Variants in AGTPBP1 observed in about 807,000 individuals in gnomAD.
AGTPBP1 encodes the protein ATP/GTP binding carboxypeptidase 1.
A neutral mutation model predicts 143.9 loss-of-function variants in AGTPBP1; 70 were observed. The observed-to-expected ratio is 0.49, with a 90% CI of 0.40 to 0.59. The LOEUF is 0.59. Ranked by LOEUF, AGTPBP1 falls within the 20% of genes least tolerant of loss-of-function variation. The pLI, the probability that AGTPBP1 is intolerant of heterozygous loss-of-function variation, is 0.00. For synonymous variants in AGTPBP1, 463 were observed against 500.2 expected (o/e 0.93, Z 0.99); for missense variants, 1,229 against 1,464.5 (o/e 0.84, Z 2.62).
At chr9:85,784,292 C>T in the AGTPBP1 span, among the ~76,000 whole-genome samples, 1 of 152,218 alleles carries the variant, frequency 6.6e-6, no homozygotes, top group African/African-American at 2.4e-5. Context: ...AAGAGGGAAA[C>T]TTTCTTGTGA....
intron 8 of AGTPBP1, among the ~76,000 whole-genome samples, chr9:85,666,803 T>G (rs1030216503): frequency 1.4e-4 from 21 of 152,080 alleles, no homozygotes; most frequent in African/African-American, 4.8e-4. Flanking sequence ...TAAAATGCAG[T>G]ACCGATTAAA....
At chr9:85,646,676 T>C (rs561769094) in intron 11 of AGTPBP1, among the ~76,000 whole-genome samples, 1 of 152,362 alleles carries the variant, frequency 6.6e-6, no homozygotes, top group Admixed American at 6.5e-5. Flanking sequence ...TAATGTCTTA[T>C]GTTGCGATAG....
At chr9:85,659,344 GAAAAA>G in intron 9 of AGTPBP1, among the ~76,000 whole-genome samples, 1 of 152,048 alleles carries the variant, frequency 6.6e-6, no homozygotes. Context: ...AAAAAATTTT[GAAAAA>G]TAAATGAGAA....
intron 2 of AGTPBP1, among the ~76,000 whole-genome samples, chr9:85,696,620 T>G (rs988907365): frequency 6.6e-6 from 1 of 151,962 alleles, no homozygotes. Context: ...GTGAGCCAAG[T>G]TGTGCCACTG....
intron 17 of AGTPBP1, among the ~76,000 whole-genome samples, chr9:85,615,223 A>C (rs1830540266): frequency 6.6e-6 from 1 of 152,116 alleles, no homozygotes; most frequent in African/African-American, 2.4e-5. Flanking sequence ...CACTTCAAAA[A>C]GGCTGAACTA....
At chr9:85,698,784 C>T (rs1313368212) in intron 2 of AGTPBP1, among the ~76,000 whole-genome samples, 1 of 145,582 alleles carries the variant, frequency 6.9e-6, no homozygotes, top group African/African-American at 2.6e-5. Context: ...GCTCCGCCTC[C>T]TGGGTTCACG....
At chr9:85,692,885 T>C in intron 2 of AGTPBP1, 72 bp from the exon 3 acceptor site, 2 of 1,516,958 alleles carry the variant, frequency 1.3e-6, no homozygotes, top group Non-Finnish European at 1.8e-6. Flanking sequence ...ACGATCACTG[T>C]TTAAAAAACA....
chr9:85,790,210 G>C, the AGTPBP1 span, among the ~76,000 whole-genome samples: 1 of 152,170 alleles, frequency 6.6e-6, no homozygotes, highest in African/African-American at 2.4e-5. Context: ...CATCTCAAAA[G>C]CATTGGGCAT....
intron 1 of AGTPBP1, among the ~76,000 whole-genome samples, chr9:85,729,631 T>C (rs541845647): frequency 2.0e-5 from 3 of 151,880 alleles, no homozygotes; most frequent in South Asian, 4.1e-4. Flanking sequence ...ATATAGCTTA[T>C]CTCAAGATAC....
intron 9 of AGTPBP1, among the ~76,000 whole-genome samples, chr9:85,658,146 T>C (rs1833644114): frequency 6.6e-6 from 1 of 152,140 alleles, no homozygotes; most frequent in Admixed American, 6.5e-5. Context: ...CCACTAAAAT[T>C]AATTGCTCTA....
At chr9:85,647,068 G>A (rs1378186188) in intron 11 of AGTPBP1, among the ~76,000 whole-genome samples, 2 of 152,150 alleles carry the variant, frequency 1.3e-5, no homozygotes, top group Non-Finnish European at 2.9e-5. Flanking sequence ...AGCTGAGGTT[G>A]GGAGTTCGAG....
chr9:85,768,000 A>G, the AGTPBP1 span, among the ~76,000 whole-genome samples: 2 of 152,194 alleles, frequency 1.3e-5, no homozygotes, highest in African/African-American at 2.4e-5. Flanking sequence ...GCAGTGCTCT[A>G]TCATAAAGCA....
the AGTPBP1 span, among the ~76,000 whole-genome samples, chr9:85,760,638 T>G: frequency 1.3e-5 from 2 of 152,036 alleles, no homozygotes; most frequent in East Asian, 3.9e-4. Context: ...TAAGAGCTAT[T>G]TATGACAAAC....
intron 25 of AGTPBP1, among the ~76,000 whole-genome samples, chr9:85,573,438 T>C (rs1827658680): frequency 1.3e-5 from 2 of 152,106 alleles, no homozygotes; most frequent in South Asian, 4.1e-4. Context: ...TGCAGTGGCG[T>C]GATCTCGGCC....
At chr9:85,734,197 G>A (rs1467439166) in intron 1 of AGTPBP1, among the ~76,000 whole-genome samples, 1 of 152,138 alleles carries the variant, frequency 6.6e-6, no homozygotes, top group Admixed American at 6.6e-5. Flanking sequence ...AGGTTGCAGT[G>A]AGCCAAGATG....
chr9:85,649,023 C>A (rs1313790888), intron 11 of AGTPBP1, among the ~76,000 whole-genome samples: 4 of 152,108 alleles, frequency 2.6e-5, no homozygotes, highest in Admixed American at 1.3e-4. Flanking sequence ...CGTCTGAGAC[C>A]TTCTCTGCTA....
the AGTPBP1 span, among the ~76,000 whole-genome samples, chr9:85,750,867 G>T: frequency 2.6e-5 from 4 of 152,140 alleles, no homozygotes; most frequent in African/African-American, 9.7e-5. Context: ...TAGGCATTCC[G>T]TCTAGCTTGC....
intron 3 of AGTPBP1, among the ~76,000 whole-genome samples, chr9:85,689,884 G>A (rs143747530): frequency 0.02 from 2,113 of 104,602 alleles, 17 homozygotes; most frequent in Middle Eastern, 0.14. Context: ...AACAGAGTGA[G>A]AGAGACTCTG....
rs866685054 is a variant in AGTPBP1 at position 85,741,206 on chromosome 9, C to G, written c.-34+569G>C. ...CGACAAGTTGTAAACAGAAGACACA[C>G]TTCAGCTCAAACCACCCAGCGAGAG... On this transcript the variant is annotated intron_variant, in intron 1 of 25. Coordinates refer to ENST00000357081, the MANE Select transcript of AGTPBP1 (RefSeq NM_001330701.2). 37 of 985,282 alleles carry G rather than the reference C, an allele frequency of 3.8e-5. No individual in the cohort carries two copies. In the African/African-American group the frequency reaches 5.8e-4, roughly 15 times the overall value. The allele number at this position is 985,282 out of a possible 1,614,324, so 61.0% of individuals were successfully genotyped here.
Sources: allele counts gnomAD v4.1 joint callset (sites outside exome capture counted in the v4.1 genomes callset), GRCh38; gene constraint gnomAD v4.1.1; transcripts MANE v1.5; gene names NCBI Gene and HGNC (gene_info 2026-07-23, HGNC 2026-07-21).